DESI2: variants seen among roughly 807,000 people sequenced by gnomAD.
DESI2 encodes the protein deubiquitinase DESI2.
DESI2 carries 10 observed loss-of-function variants against 24.1 expected under a neutral mutation model. That is an observed-to-expected ratio of 0.41 (90% CI 0.26 to 0.70). The LOEUF is 0.70. Among genes scored for constraint, DESI2 ranks in the 30% least tolerant of loss-of-function variants. The probability of loss-of-function intolerance (pLI) is 0.29; values close to 1 mark genes in which losing one functional copy is unlikely to be tolerated. For synonymous variants in DESI2, 71 were observed against 87.7 expected (o/e 0.81, Z 1.06); for missense variants, 122 against 234.9 (o/e 0.52, Z 3.14).
chr1:244,708,261 G>T lies in DESI2; in HGVS notation c.*2472G>T, dbSNP rs1023284814. The T allele has an allele frequency of 9.2e-5, 14 of 152,700 alleles. No homozygotes were observed. Among genetic ancestry groups the T allele is most frequent in the African/African-American group, 3.4e-4 (14 of 41,568 alleles). 9.5% of individuals were successfully genotyped at this position (152,700 alleles called of 1,614,324 possible). ...GTGGGTTGGACAGTAATACATGTTA[G>T]AGGGTCAGAAGCTTCTGGTTTCTGC... is the stretch of plus-strand genomic sequence containing the variant. On this transcript the variant is annotated 3_prime_UTR_variant, in exon 5 of 5. Transcript: ENST00000302550.
In DESI2 at chr1:244,672,873, TGTA is replaced by T. The variant is rs1461924617; in HGVS notation, c.43-13723_43-13721del. ...GCCTGGGTGACAGCGAGACTCTGTC[TGTA>T]ATAATAATAATAATAATAATAATAG... is the stretch of plus-strand genomic sequence containing the variant. On this transcript the variant is annotated intron_variant, in intron 1 of 4. Coordinates refer to ENST00000302550, the MANE Select transcript of DESI2 (RefSeq NM_016076.5). Among the ~76,000 whole-genome samples, 7 of 22,120 alleles carry T rather than the reference TGTA, an allele frequency of 3.2e-4. No homozygotes were observed. In the East Asian group the frequency reaches 6.8e-3, roughly 22 times the overall value. 14.5% of individuals were successfully genotyped at this position (22,120 alleles called of 152,430 possible).
chr1:244,683,868 C>T (rs1221342164), intron 1 of DESI2, among the ~76,000 whole-genome samples: 2 of 141,322 alleles, frequency 1.4e-5, no homozygotes, highest in African/African-American at 5.3e-5. Flanking sequence ...GGGTACCTGG[C>T]TAATTTTTTT....
rs1188857832 is a variant in DESI2 at position 244,706,480 on chromosome 1, GTC to G, written c.*697_*698del. 1 of 152,618 alleles carries G rather than the reference GTC, an allele frequency of 6.6e-6. No homozygotes were observed. 9.5% of individuals were successfully genotyped at this position (152,618 alleles called of 1,614,324 possible). On this transcript the variant is annotated 3_prime_UTR_variant, in exon 5 of 5. Transcript: ENST00000302550. ...CCTAGGCGGGGTGGTATGTTCTTAC[GTC>G]TCTCTGACTTTGATGCCACTCATTC...
intron 4 of DESI2, among the ~76,000 whole-genome samples, chr1:244,695,489 C>T (rs1053533559): frequency 1.3e-5 from 2 of 152,092 alleles, no homozygotes; most frequent in Non-Finnish European, 2.9e-5. Flanking sequence ...TCATCTCTAA[C>T]TAAAAATATA....
At chr1:244,683,504 G>C (rs564746812) in intron 1 of DESI2, among the ~76,000 whole-genome samples, 2 of 151,890 alleles carry the variant, frequency 1.3e-5, no homozygotes, top group Non-Finnish European at 2.9e-5. Context: ...GTAGAGACAG[G>C]GTTTCACCAT....
intron 1 of DESI2, among the ~76,000 whole-genome samples, chr1:244,674,364 T>C (rs190363859): frequency 2.6e-5 from 4 of 151,010 alleles, no homozygotes; most frequent in African/African-American, 9.7e-5. Flanking sequence ...GTTCATATAC[T>C]AGATGAACTA....
At chr1:244,663,412 G>A (rs564226331) in intron 1 of DESI2, among the ~76,000 whole-genome samples, 378 of 151,938 alleles carry the variant, frequency 2.5e-3, no homozygotes, top group African/African-American at 8.0e-3. Flanking sequence ...TCCTGACCTC[G>A]TGATCCGCCC....
At chr1:244,672,009 A>G (rs1676263950) in intron 1 of DESI2, among the ~76,000 whole-genome samples, 2 of 152,252 alleles carry the variant, frequency 1.3e-5, no homozygotes, top group African/African-American at 4.8e-5. Context: ...CATGATTTGG[A>G]TGTTTGTCCC....
chr1:244,657,569 A>C (rs2148778479), intron 1 of DESI2, among the ~76,000 whole-genome samples: 1 of 152,298 alleles, frequency 6.6e-6, no homozygotes, highest in South Asian at 2.1e-4. Context: ...AGCAACAGAG[A>C]GCTTGAGAGT....
At chr1:244,684,064 A>G (rs1159403809) in intron 1 of DESI2, among the ~76,000 whole-genome samples, 2 of 152,062 alleles carry the variant, frequency 1.3e-5, no homozygotes, top group Admixed American at 6.6e-5. Flanking sequence ...TAGTTTATGT[A>G]ACTAGGACCC....
At chr1:244,701,885 T>C (rs1677479532) in intron 4 of DESI2, among the ~76,000 whole-genome samples, 1 of 152,226 alleles carries the variant, frequency 6.6e-6, no homozygotes, top group Admixed American at 6.5e-5. Context: ...ACTTGGTTAA[T>C]TTTAGTCTTT....
intron 1 of DESI2, among the ~76,000 whole-genome samples, chr1:244,680,428 T>G (rs1676567706): frequency 6.7e-6 from 1 of 148,904 alleles, no homozygotes; most frequent in African/African-American, 2.5e-5. Context: ...AAACCCTGTC[T>G]CAAAAAAAAA....
intron 4 of DESI2, among the ~76,000 whole-genome samples, chr1:244,703,193 G>A (rs896603541): frequency 2.0e-5 from 3 of 151,842 alleles, no homozygotes; most frequent in African/African-American, 4.8e-5. Flanking sequence ...GTAGAGATGA[G>A]GTTTCACTAT....
At chr1:244,687,671 T>A (rs1398452824) in intron 2 of DESI2, among the ~76,000 whole-genome samples, 1 of 152,230 alleles carries the variant, frequency 6.6e-6, no homozygotes, top group Admixed American at 6.5e-5. Flanking sequence ...TTTAGCATAT[T>A]AAATGTTGGC....
chr1:244,679,968 A>G (rs923242569), intron 1 of DESI2, among the ~76,000 whole-genome samples: 1 of 149,114 alleles, frequency 6.7e-6, no homozygotes, highest in Non-Finnish European at 1.5e-5. Context: ...TATTGAATAT[A>G]TAGTCTATAT....
intron 1 of DESI2, among the ~76,000 whole-genome samples, chr1:244,663,959 A>T (rs1573182976): frequency 6.9e-6 from 1 of 145,160 alleles, no homozygotes; most frequent in East Asian, 2.1e-4. Flanking sequence ...CGGAGGTTGC[A>T]GTGAGCCGAG....
intron 1 of DESI2, chr1:244,653,712 G>C: frequency 2.7e-6 from 1 of 375,692 alleles, no homozygotes. Flanking sequence ...CGGCCCCCGG[G>C]GCTGCCCCGG....
chr1:244,658,018 G>A (rs1675708007), intron 1 of DESI2, among the ~76,000 whole-genome samples: 1 of 152,142 alleles, frequency 6.6e-6, no homozygotes, highest in African/African-American at 2.4e-5. Context: ...GGGAACCTAT[G>A]ATGTCTGTCA....
At chr1:244,703,405 T>C (rs1677557192) in intron 4 of DESI2, among the ~76,000 whole-genome samples, 1 of 151,650 alleles carries the variant, frequency 6.6e-6, no homozygotes, top group African/African-American at 2.4e-5. Flanking sequence ...ATCCAGGCTG[T>C]AGTGCAGTGG....
Sources: allele counts gnomAD v4.1 joint callset (sites outside exome capture counted in the v4.1 genomes callset), GRCh38; gene constraint gnomAD v4.1.1; transcripts MANE v1.5; gene names NCBI Gene and HGNC (gene_info 2026-07-23, HGNC 2026-07-21).